The following LMBR1 variants were observed in gnomAD, a reference collection of about 807,000 sequenced individuals.
LMBR1 encodes the protein limb region 1 protein homolog.
In LMBR1, 52 loss-of-function variants were observed where a neutral mutation model predicts 73.9. The ratio of observed to expected loss-of-function variants is 0.70; its 90% confidence interval spans 0.56 to 0.89. The LOEUF is 0.89. LMBR1 is among the 40% of genes least tolerant of loss of function. LMBR1 has a pLI of 0.00. For synonymous variants in LMBR1, 215 were observed against 209.4 expected, an observed-to-expected ratio of 1.03 and a Z score of -0.23; for missense variants, 539 against 579.8, an observed-to-expected ratio of 0.93 and a Z score of 0.72.
intron 2 of LMBR1, among the ~76,000 whole-genome samples, chr7:156,834,966 C>T (rs1329307512): frequency 6.6e-6 from 1 of 150,486 alleles, no homozygotes; most frequent in Non-Finnish European, 1.5e-5. Context: ...ATGGTGAAAC[C>T]CCATCTCTAC....
downstream of LMBR1, among the ~76,000 whole-genome samples, chr7:156,674,967 A>T (rs1010909474): frequency 3.3e-5 from 5 of 152,176 alleles, no homozygotes; most frequent in African/African-American, 1.2e-4. Context: ...GGGGAGGGAA[A>T]CAATATACCC....
At chr7:156,886,228 A>T (rs183945319) in intron 1 of LMBR1, among the ~76,000 whole-genome samples, 4 of 152,254 alleles carry the variant, frequency 2.6e-5, no homozygotes, top group Admixed American at 2.6e-4. Context: ...GATAGCTGGG[A>T]AGCATCCTCC....
intron 2 of LMBR1, among the ~76,000 whole-genome samples, chr7:156,835,708 A>C (rs947839040): frequency 2.0e-5 from 3 of 152,048 alleles, no homozygotes; most frequent in Admixed American, 6.6e-5. Context: ...AAAAAAAAAA[A>C]AAAAACATCA....
At chr7:156,676,521 C>G, downstream of LMBR1, 1 of 1,614,064 alleles carries the variant, frequency 6.2e-7, no homozygotes, top group Non-Finnish European at 8.5e-7. Context: ...AGAGATGGCC[C>G]TCCTGTCCTG....
chr7:156,837,150 CCT>C (rs1340353684), intron 1 of LMBR1, among the ~76,000 whole-genome samples: 1 of 149,176 alleles, frequency 6.7e-6, no homozygotes, highest in Non-Finnish European at 1.5e-5. Context: ...ATGATGAAAC[CCT>C]GTCTCTACTA....
At chr7:156,830,429 G>C (rs1468763863) in intron 3 of LMBR1, among the ~76,000 whole-genome samples, 1 of 152,106 alleles carries the variant, frequency 6.6e-6, no homozygotes, top group African/African-American at 2.4e-5. Context: ...TAATCAAGAA[G>C]TACATATGGA....
At chr7:156,837,630 C>A (rs1837899235) in intron 1 of LMBR1, among the ~76,000 whole-genome samples, 1 of 152,054 alleles carries the variant, frequency 6.6e-6, no homozygotes, top group African/African-American at 2.4e-5. Flanking sequence ...ATACATTAAA[C>A]ATTTTCCACT....
intron 9 of LMBR1, among the ~76,000 whole-genome samples, chr7:156,738,457 T>TA (rs139641203): frequency 2.9e-3 from 445 of 152,242 alleles, no homozygotes; most frequent in African/African-American, 0.01. Context: ...GGGCTGGGCT[T>TA]AGAGCCAGTG....
At position 156,761,967 on chromosome 7, in the gene LMBR1, ACT is replaced by A. The variant is rs534040661; in HGVS notation, c.684+165_684+166del. On this transcript the variant is annotated intron_variant, in intron 8 of 16. Transcript: ENST00000353442. ...ACTCCAGCCTGGGCGACAGAGCAAG[ACT>A]CTGTCTCAAAAAAAAAAAAAAAACT... 5.1e-5 allele frequency among the ~76,000 whole-genome samples: 7 copies of A among 137,968 alleles called. No homozygotes were observed. The East Asian group carries it at 1.5e-3, about 30-fold the overall frequency. The allele number at this position is 137,968 out of a possible 152,430, so 90.5% of individuals were successfully genotyped here. A position where few individuals can be genotyped will look rare whatever the true frequency, so the allele number is the denominator to read the frequency against.
At chr7:156,870,112 G>A (rs542026265) in intron 1 of LMBR1, among the ~76,000 whole-genome samples, 2 of 152,118 alleles carry the variant, frequency 1.3e-5, no homozygotes, top group Non-Finnish European at 1.5e-5. Context: ...GTAGAATAAC[G>A]ATTGGAGACT....
chr7:156,860,075 G>T (rs753737434), intron 1 of LMBR1, among the ~76,000 whole-genome samples: 6 of 152,188 alleles, frequency 3.9e-5, no homozygotes, highest in Non-Finnish European at 8.8e-5. Context: ...GGACATCCAC[G>T]TACAACAAAA....
chr7:156,846,737 A>G (rs73167907), intron 1 of LMBR1, among the ~76,000 whole-genome samples: 5,638 of 152,244 alleles, frequency 0.037, 144 homozygotes, highest in Non-Finnish European at 0.056. Context: ...TCAACACAAT[A>G]TTGAAGGAAA....
rs1253879557 is a variant in LMBR1 at position 156,669,182 on chromosome 7, G to T, written n.972C>A. The T allele has an allele frequency of 6.6e-6, 1 of 152,264 alleles. No individual in the cohort carries two copies. The highest frequency in any genetic ancestry group is 1.5e-5 in the Non-Finnish European group (1 of 68,082). 9.4% of individuals were successfully genotyped at this position (152,264 alleles called of 1,614,324 possible). On this transcript the variant is annotated non_coding_transcript_exon_variant, in exon 5 of 5. Coordinates refer to the LMBR1 transcript ENST00000430825. This position sits in a 1 kb window ranked among gnomAD's most constrained non-coding sequence, Gnocchi z 4.2. ...GACCAGCCCCTCTGGGCAGACACAG[G>T]TGCAAGGGCCCAGGTGTGAGCACCC... is the stretch of plus-strand genomic sequence containing the variant.
chr7:156,712,338 C>T (rs1055342612), intron 15 of LMBR1, among the ~76,000 whole-genome samples: 1 of 151,758 alleles, frequency 6.6e-6, no homozygotes, highest in African/African-American at 2.4e-5. Context: ...AGAATGGCTA[C>T]TATTAAAAAG....
intron 9 of LMBR1, among the ~76,000 whole-genome samples, chr7:156,740,218 G>A (rs1433229845): frequency 6.6e-6 from 1 of 151,886 alleles, no homozygotes; most frequent in Non-Finnish European, 1.5e-5. Flanking sequence ...AAAGAAAAAA[G>A]AATCAAAAAG....
intron 5 of LMBR1, among the ~76,000 whole-genome samples, chr7:156,794,417 G>A (rs2133356787): frequency 6.6e-6 from 1 of 152,266 alleles, no homozygotes; most frequent in East Asian, 1.9e-4. Flanking sequence ...GGGAACAGGA[G>A]AAAAATGACA....
intron 3 of LMBR1, among the ~76,000 whole-genome samples, chr7:156,829,475 G>T (rs76548890): frequency 0.032 from 4,835 of 152,236 alleles, 122 homozygotes; most frequent in South Asian, 0.084. Context: ...CTTCAATCCT[G>T]ATCTCCCTTC....
At chr7:156,725,900 C>G (rs914902434) in intron 12 of LMBR1, 63 bp from the exon 13 acceptor site, 1 of 1,236,518 alleles carries the variant, frequency 8.1e-7, no homozygotes, top group East Asian at 2.3e-5. Context: ...TTCCCTAAAA[C>G]AGCTGTTTCA....
chr7:156,797,336 T>C (rs1421118494), intron 4 of LMBR1, among the ~76,000 whole-genome samples: 1 of 152,204 alleles, frequency 6.6e-6, no homozygotes, highest in Admixed American at 6.5e-5. Flanking sequence ...AAAAATAAAA[T>C]TTAAAACTGA....
Sources: allele counts gnomAD v4.1 joint callset (sites outside exome capture counted in the v4.1 genomes callset), GRCh38; gene constraint gnomAD v4.1.1; non-coding constraint Gnocchi (gnomAD v3.1); transcripts MANE v1.5; gene names NCBI Gene and HGNC (gene_info 2026-07-23, HGNC 2026-07-21).